The following GPC6 variants were observed in gnomAD, a reference collection of about 807,000 sequenced individuals.
GPC6 encodes glypican-6.
A neutral mutation model predicts 55.2 loss-of-function variants in GPC6; 14 were observed. That is an observed-to-expected ratio of 0.25 (90% CI 0.17 to 0.40). The LOEUF (loss-of-function observed/expected upper bound fraction) is 0.40. Ranked by LOEUF, GPC6 falls within the 10% of genes least tolerant of loss-of-function variation. The pLI is 1.00. For synonymous variants in GPC6, 278 were observed against 259.6 expected, an observed-to-expected ratio of 1.07 and a Z score of -0.68; for missense variants, 641 against 708.5, an observed-to-expected ratio of 0.90 and a Z score of 1.08.
chr13:93,734,715 A>G (rs1594411335), intron 2 of GPC6, among the ~76,000 whole-genome samples: 1 of 152,294 alleles, frequency 6.6e-6, no homozygotes, highest in East Asian at 1.9e-4. Context: ...GCACATGAAA[A>G]TTGGCTCTGA....
intron 3 of GPC6, among the ~76,000 whole-genome samples, chr13:93,868,409 A>C (rs756644039): frequency 6.6e-6 from 1 of 151,792 alleles, no homozygotes; most frequent in Non-Finnish European, 1.5e-5. Context: ...AATGATTGTA[A>C]TGATAGATAC....
At chr13:93,611,888 T>G (rs1009006676) in intron 2 of GPC6, among the ~76,000 whole-genome samples, 16 of 152,212 alleles carry the variant, frequency 1.1e-4, no homozygotes, top group African/African-American at 3.9e-4. Flanking sequence ...CTATTCTTTA[T>G]GAGGTTACAT....
intron 6 of GPC6, among the ~76,000 whole-genome samples, chr13:94,324,645 T>C (rs570201999): frequency 6.6e-6 from 1 of 151,010 alleles, no homozygotes; most frequent in Non-Finnish European, 1.5e-5. Context: ...GGCACAAAGA[T>C]AGCAGATAAG....
rs33964040 is a variant in GPC6, at chr13:93,303,872, AT to A, written c.160+76274del. Among the ~76,000 whole-genome samples the A allele has an allele frequency of 5.5e-3, 709 of 128,908 alleles. 4 individuals are homozygous for A. Among genetic ancestry groups the A allele is most frequent in the African/African-American group, 0.012 (411 of 34,162 alleles). 84.6% of individuals were successfully genotyped at this position (128,908 alleles called of 152,430 possible). On this transcript the variant is annotated intron_variant, in intron 1 of 8. Coordinates refer to ENST00000377047, the MANE Select transcript of GPC6 (RefSeq NM_005708.5). ...AGACAGTTTGGGCAATGTAGATACT[AT>A]TTTTTTTTTTTTTTTTTGAGATGGA...
intron 4 of GPC6, among the ~76,000 whole-genome samples, chr13:94,135,625 C>T (rs1217718473): frequency 6.6e-6 from 1 of 152,244 alleles, no homozygotes; most frequent in Non-Finnish European, 1.5e-5. Context: ...ATCCACATGG[C>T]TAATGCATCA....
intron 3 of GPC6, among the ~76,000 whole-genome samples, chr13:93,950,517 T>C (rs1879206787): frequency 6.6e-6 from 1 of 152,194 alleles, no homozygotes; most frequent in Non-Finnish European, 1.5e-5. Context: ...GACCTCAAAA[T>C]TACTAGTGAT....
At position 94,046,404 on chromosome 13, in the gene GPC6, T is replaced by C. The variant is rs549492243; in HGVS notation, c.877+18510T>C. On this transcript the variant is annotated intron_variant, in intron 4 of 8. Transcript: ENST00000377047. ...GAGGTCTTACAAGAAGACCTCACTA[T>C]TGAACTTGAGCTCACTATTGAACTT... 7.9e-5 allele frequency among the ~76,000 whole-genome samples: 12 copies of C among 152,172 alleles called. No individual in the cohort carries two copies. In the South Asian group the frequency reaches 2.5e-3, roughly 32 times the overall value.
chr13:93,865,188 C>A (rs9584163), intron 3 of GPC6, among the ~76,000 whole-genome samples: 2 of 151,528 alleles, frequency 1.3e-5, no homozygotes, highest in Non-Finnish European at 3.0e-5. Flanking sequence ...CCCCCAAATC[C>A]TCCTCCTCTC....
At chr13:93,856,743 T>C (rs576859672) in intron 3 of GPC6, among the ~76,000 whole-genome samples, 14 of 151,682 alleles carry the variant, frequency 9.2e-5, no homozygotes, top group Middle Eastern at 3.4e-3. Context: ...ATAGCTTCAA[T>C]TAAAAGAAAT....
intron 1 of GPC6, among the ~76,000 whole-genome samples, chr13:93,425,276 A>G (rs1877083726): frequency 6.6e-6 from 1 of 152,118 alleles, no homozygotes; most frequent in Non-Finnish European, 1.5e-5. Flanking sequence ...AAATAATCTG[A>G]TACACCGATT....
intron 4 of GPC6, among the ~76,000 whole-genome samples, chr13:94,243,929 C>T (rs1476810710): frequency 6.6e-6 from 1 of 152,092 alleles, no homozygotes; most frequent in Admixed American, 6.6e-5. Context: ...GTTTCCTTCT[C>T]ACTTTGCAGA....
intron 2 of GPC6, among the ~76,000 whole-genome samples, chr13:93,703,552 TA>T (rs1171186582): frequency 2.0e-5 from 3 of 151,902 alleles, no homozygotes; most frequent in African/African-American, 7.2e-5. Flanking sequence ...CAAAGCACAA[TA>T]AAACAAGGTA....
intron 4 of GPC6, among the ~76,000 whole-genome samples, chr13:94,243,264 C>T (rs1374625354): frequency 2.6e-5 from 4 of 152,050 alleles, no homozygotes; most frequent in African/African-American, 4.8e-5. Context: ...TTTCAACAGG[C>T]CTTACATCTA....
chr13:94,272,463 C>CTTTTTTTTTTTTTTTTTTTTTTT (rs555664508), intron 4 of GPC6, among the ~76,000 whole-genome samples: 4 of 85,742 alleles, frequency 4.7e-5, no homozygotes, highest in Non-Finnish European at 8.6e-5. Flanking sequence ...CTTTTCTTTT[C>CTTTTTTTTTTTTTTTTTTTTTTT]TTTTTTTTTT....
chr13:94,194,688 C>T (rs141437749), intron 4 of GPC6, among the ~76,000 whole-genome samples: 1 of 152,148 alleles, frequency 6.6e-6, no homozygotes, highest in East Asian at 1.9e-4. Flanking sequence ...CAAAATCTCA[C>T]AAATCACCAC....
intron 2 of GPC6, among the ~76,000 whole-genome samples, chr13:93,655,151 TA>T (rs375869955): frequency 6.6e-6 from 1 of 151,916 alleles, no homozygotes; most frequent in Non-Finnish European, 1.5e-5. Flanking sequence ...GCCCGGCCCA[TA>T]ACCAGATATT....
At chr13:93,783,563 G>GATCTGTCTATCTGTCT (rs1885724261) in intron 2 of GPC6, among the ~76,000 whole-genome samples, 2 of 138,744 alleles carry the variant, frequency 1.4e-5, no homozygotes, top group South Asian at 5.1e-4. Context: ...GTGGTTTTGA[G>GATCTGTCTATCTGTCT]ATCTATCTAT....
chr13:94,175,487 T>C (rs1182933567), intron 4 of GPC6, among the ~76,000 whole-genome samples: 1 of 152,172 alleles, frequency 6.6e-6, no homozygotes, highest in Non-Finnish European at 1.5e-5. Flanking sequence ...AGTGTTTTAG[T>C]CATTTGCTAA....
At chr13:93,511,307 A>G (rs1480333759) in intron 1 of GPC6, among the ~76,000 whole-genome samples, 1 of 151,516 alleles carries the variant, frequency 6.6e-6, no homozygotes, top group Non-Finnish European at 1.5e-5. Flanking sequence ...TTCTACTAGT[A>G]TTTTTATAGT....
Sources: gnomAD v4.1 joint callset for allele counts (sites outside exome capture counted in the v4.1 genomes callset) on GRCh38, gnomAD v4.1.1 for gene constraint, MANE v1.5 for transcripts, NCBI Gene and HGNC (gene_info 2026-07-23, HGNC 2026-07-21) for gene names.